The following OSBPL10 variants were observed in gnomAD, a reference collection of about 807,000 sequenced individuals.
The protein encoded by OSBPL10 is oxysterol binding protein like 10, also known as oxysterol-binding protein-related protein 10.
A neutral mutation model predicts 81.7 loss-of-function variants in OSBPL10; 49 were observed. The observed-to-expected ratio is 0.60, with a 90% CI of 0.48 to 0.76. The LOEUF is 0.76. OSBPL10 is among the 30% of genes least tolerant of loss of function. The pLI, the probability that OSBPL10 is intolerant of heterozygous loss-of-function variation, is 0.00. For missense variants in OSBPL10, 923 were observed against 987.8 expected, an observed-to-expected ratio of 0.93 and a Z score of 0.88; for synonymous variants, 419 against 383.6, an observed-to-expected ratio of 1.09 and a Z score of -1.08.
intron 3 of OSBPL10, among the ~76,000 whole-genome samples, chr3:31,844,185 T>C (rs190966290): frequency 4.6e-5 from 7 of 152,334 alleles, no homozygotes; most frequent in Non-Finnish European, 1.0e-4. Context: ...CTTAAATCAT[T>C]ATAATGCAGA....
At chr3:31,808,015 T>C (rs540540206) in intron 4 of OSBPL10, among the ~76,000 whole-genome samples, 6 of 152,260 alleles carry the variant, frequency 3.9e-5, no homozygotes, top group East Asian at 3.9e-4. Flanking sequence ...AAGAGTGATA[T>C]AACATGAAGA....
intron 1 of OSBPL10, among the ~76,000 whole-genome samples, chr3:31,935,587 G>C (rs1213212777): frequency 6.6e-6 from 1 of 150,382 alleles, no homozygotes; most frequent in East Asian, 2.0e-4. Flanking sequence ...GCAGTGGTAT[G>C]ATCTTGGCTC....
intron 3 of OSBPL10, among the ~76,000 whole-genome samples, chr3:31,853,762 C>G (rs1461839912): frequency 2.0e-5 from 3 of 152,218 alleles, no homozygotes; most frequent in Non-Finnish European, 2.9e-5. Context: ...TAACTTGAGA[C>G]AGAGCCTCTG....
chr3:31,816,291 GATC>G (rs1364963577), intron 4 of OSBPL10, among the ~76,000 whole-genome samples: 1 of 152,148 alleles, frequency 6.6e-6, no homozygotes, highest in Non-Finnish European at 1.5e-5. Flanking sequence ...CAACCGCCTA[GATC>G]ATCAAGGCCC....
In OSBPL10 at chr3:31,841,866, T is replaced by G. The variant is rs1045965990; in HGVS notation, c.538-11635A>C. On this transcript the variant is annotated intron_variant, in intron 3 of 11. Coordinates refer to ENST00000396556, the MANE Select transcript of OSBPL10 (RefSeq NM_017784.5). ...CAATAAAAGTATGAAAATAATTGTC[T>G]TTATGAAACTAAGCTGTATAATTTG... 4.6e-5 allele frequency among the ~76,000 whole-genome samples: 7 copies of G among 152,332 alleles called. No individual in the cohort carries two copies. The South Asian group carries it at 6.2e-4, about 14-fold the overall frequency.
intron 1 of OSBPL10, among the ~76,000 whole-genome samples, chr3:32,048,008 G>A (rs947013306): frequency 6.6e-6 from 1 of 152,042 alleles, no homozygotes; most frequent in African/African-American, 2.4e-5. Context: ...TGTATCTTGT[G>A]ATACCAGTCC....
At chr3:31,791,704 A>G (rs1031855827) in intron 4 of OSBPL10, among the ~76,000 whole-genome samples, 4 of 152,106 alleles carry the variant, frequency 2.6e-5, no homozygotes, top group Admixed American at 1.3e-4. Context: ...GTTAAAATCC[A>G]TGAAAATCAT....
chr3:31,917,923 G>A lies in OSBPL10; in HGVS notation c.282-38093C>T, dbSNP rs571555932. ...AGGGACTCTGATTAAATCTTTAAGT[G>A]GTGCTAACAGCCTTAATAACTTTAA... On this transcript the variant is annotated intron_variant, in intron 1 of 11. Transcript: ENST00000396556. Among the ~76,000 whole-genome samples the A allele has an allele frequency of 5.3e-5, 8 of 151,596 alleles. No individual in the cohort carries two copies. The South Asian group carries it at 1.3e-3, about 24-fold the overall frequency.
At chr3:31,723,794 T>C (rs17028112) in intron 6 of OSBPL10, among the ~76,000 whole-genome samples, 14,036 of 152,188 alleles carry the variant, frequency 0.092, 1,594 homozygotes, top group African/African-American at 0.27. Flanking sequence ...ACATTCTTTC[T>C]CCAAGATCAT....
intron 1 of OSBPL10, among the ~76,000 whole-genome samples, chr3:32,048,156 C>T (rs970466445): frequency 5.3e-5 from 8 of 152,066 alleles, no homozygotes; most frequent in Admixed American, 1.3e-4. Flanking sequence ...CTCTAACCAC[C>T]GCACTTGGCA....
intron 1 of OSBPL10, among the ~76,000 whole-genome samples, chr3:32,051,382 CT>C (rs1699669090): frequency 6.7e-6 from 1 of 149,184 alleles, no homozygotes; most frequent in Non-Finnish European, 1.5e-5. Context: ...TATGAGAAAG[CT>C]TTGGTGTGGA....
intron 1 of OSBPL10, among the ~76,000 whole-genome samples, chr3:31,979,986 A>C (rs1160453045): frequency 7.2e-6 from 1 of 139,666 alleles, no homozygotes; most frequent in African/African-American, 3.0e-5. Flanking sequence ...TCTTTTTATT[A>C]TTTTATTTTA....
rs1224756228 is a variant in OSBPL10, at chr3:31,674,565, G to C, written c.1727-3582C>G. On this transcript the variant is annotated intron_variant, in intron 8 of 11. Coordinates refer to ENST00000396556, the MANE Select transcript of OSBPL10 (RefSeq NM_017784.5). Reference sequence around the variant, plus strand: ...ACAGAGTGAGACCCTGTCTCAAATAGATAGACAGATAGATAGATTAGATAG... The same window carrying C: ...ACAGAGTGAGACCCTGTCTCAAATACATAGACAGATAGATAGATTAGATAG... 2.7e-5 allele frequency among the ~76,000 whole-genome samples: 4 copies of C among 149,524 alleles called. No homozygotes were observed. In the East Asian group the frequency reaches 5.9e-4, roughly 22 times the overall value.
At chr3:31,953,567 C>G (rs931257087) in intron 1 of OSBPL10, among the ~76,000 whole-genome samples, 1 of 151,994 alleles carries the variant, frequency 6.6e-6, no homozygotes, top group Non-Finnish European at 1.5e-5. Context: ...GCCACCACAC[C>G]TGGCTAATTT....
chr3:31,668,853 CTT>C, intron 9 of OSBPL10, 29 bp from the exon 10 acceptor site: 1 of 1,505,486 alleles, frequency 6.6e-7, no homozygotes, highest in African/African-American at 1.4e-5. Context: ...TGAGTACACA[CTT>C]TTCAAAATGA....
intron 1 of OSBPL10, among the ~76,000 whole-genome samples, chr3:32,054,058 G>T (rs1185301255): frequency 1.3e-5 from 2 of 152,200 alleles, no homozygotes; most frequent in South Asian, 4.1e-4. Context: ...ACAAGAGACA[G>T]ATTGTTTGGA....
chr3:31,893,019 G>A (rs1025592512), intron 1 of OSBPL10, among the ~76,000 whole-genome samples: 7 of 152,128 alleles, frequency 4.6e-5, no homozygotes, highest in African/African-American at 1.4e-4. Flanking sequence ...CTATGCTCAG[G>A]CACAGGGAAG....
chr3:31,738,253 T>C (rs1391011598), intron 5 of OSBPL10, among the ~76,000 whole-genome samples: 1 of 152,058 alleles, frequency 6.6e-6, no homozygotes, highest in Non-Finnish European at 1.5e-5. Flanking sequence ...ATTACTGAAA[T>C]TCCAAACACA....
At chr3:31,930,342 T>C (rs997460144) in intron 1 of OSBPL10, among the ~76,000 whole-genome samples, 5 of 152,202 alleles carry the variant, frequency 3.3e-5, no homozygotes, top group African/African-American at 1.2e-4. Context: ...AACCACATCC[T>C]ATTGATAGGC....
Sources: gnomAD v4.1 joint callset for allele counts (sites outside exome capture counted in the v4.1 genomes callset) on GRCh38, gnomAD v4.1.1 for gene constraint, MANE v1.5 for transcripts, NCBI Gene and HGNC (gene_info 2026-07-23, HGNC 2026-07-21) for gene names.